TENM1: variants seen among roughly 807,000 people sequenced by gnomAD.
TENM1 encodes the protein teneurin-1.
A neutral mutation model predicts 174.8 loss-of-function variants in TENM1; 35 were observed. The ratio of observed to expected loss-of-function variants is 0.20; its 90% confidence interval spans 0.15 to 0.27. TENM1 has a LOEUF of 0.27. TENM1 is among the 10% of genes least tolerant of loss of function. The pLI is 1.00. For missense variants in TENM1, 1,633 were observed against 2,130.1 expected (o/e 0.77, Z 4.59); for synonymous variants, 781 against 798.7 (o/e 0.98, Z 0.37).
the TENM1 span, among the ~76,000 whole-genome samples, chrX:125,074,943 C>G: frequency 8.9e-6 from 1 of 112,253 alleles, no homozygotes; most frequent in South Asian, 3.7e-4. Context: ...GCATTTATTA[C>G]TTAACACTTT....
chrX:124,471,416 GTAATA>G (rs1213310369), intron 22 of TENM1, among the ~76,000 whole-genome samples: 1 of 22,003 alleles, frequency 4.5e-5, no homozygotes, highest in African/African-American at 1.7e-4. Flanking sequence ...ATAATATATA[GTAATA>G]TATTATATAT....
chrX:124,443,659 A>G (rs1423479290), intron 23 of TENM1, among the ~76,000 whole-genome samples: 1 of 112,115 alleles, frequency 8.9e-6, no homozygotes, highest in African/African-American at 3.2e-5. Context: ...GATTTGGAAA[A>G]GATCTTCAAT....
intron 19 of TENM1, among the ~76,000 whole-genome samples, chrX:124,498,696 C>A (rs898978433): frequency 9.1e-6 from 1 of 109,429 alleles, no homozygotes; most frequent in Non-Finnish European, 1.9e-5. Flanking sequence ...TCCATCCAGG[C>A]AGAGTCAGTT....
intron 11 of TENM1, among the ~76,000 whole-genome samples, chrX:124,614,979 T>C (rs2050365987): frequency 8.9e-6 from 1 of 112,203 alleles, no homozygotes; most frequent in Non-Finnish European, 1.9e-5. Context: ...GCTAGGAACA[T>C]GCCCAAGATT....
the TENM1 span, among the ~76,000 whole-genome samples, chrX:125,201,714 C>G: frequency 1.8e-5 from 2 of 111,641 alleles, no homozygotes; most frequent in Non-Finnish European, 3.8e-5. Flanking sequence ...TACCTGATCC[C>G]TTTTTAAATG....
At chrX:124,823,298 G>A (rs910481473) in intron 3 of TENM1, among the ~76,000 whole-genome samples, 2 of 112,136 alleles carry the variant, frequency 1.8e-5, no homozygotes, top group African/African-American at 6.5e-5. Context: ...TTATAACAGA[G>A]TCTGGCATGA....
exon 1 of TENM1, chrX:124,963,746 T>C: frequency 1.7e-6 from 2 of 1,210,151 alleles, no homozygotes; most frequent in Non-Finnish European, 2.2e-6. Flanking sequence ...GCAGTCAGTT[T>C]GCTCCATCTC....
chrX:124,795,169 G>A (rs754320267), intron 3 of TENM1, among the ~76,000 whole-genome samples: 2 of 112,309 alleles, frequency 1.8e-5, no homozygotes, highest in African/African-American at 6.5e-5. Flanking sequence ...ATCTGGCACA[G>A]TGCCTAGCAT....
At chrX:124,604,793 A>G (rs1338891796) in intron 11 of TENM1, among the ~76,000 whole-genome samples, 1 of 111,038 alleles carries the variant, frequency 9.0e-6, no homozygotes, top group Non-Finnish European at 1.9e-5. Flanking sequence ...ACAGAGTTGG[A>G]TTTGAATCCT....
At chrX:124,503,107 CTT>C (rs1488733418) in intron 19 of TENM1, among the ~76,000 whole-genome samples, 1 of 111,487 alleles carries the variant, frequency 9.0e-6, no homozygotes, top group African/African-American at 3.3e-5. Context: ...GAATCTGTCT[CTT>C]TAGATGAAAA....
At chrX:124,662,410 C>T (rs1044803024) in intron 6 of TENM1, among the ~76,000 whole-genome samples, 9 of 101,251 alleles carry the variant, frequency 8.9e-5, no homozygotes, top group East Asian at 3.1e-4. Context: ...ACCAAGATCG[C>T]GCCATTGCAC....
chrX:124,754,094 T>G (rs186603048), intron 3 of TENM1, among the ~76,000 whole-genome samples: 35 of 111,706 alleles, frequency 3.1e-4, no homozygotes, highest in African/African-American at 1.1e-3. Flanking sequence ...TCTGGTAGAA[T>G]TCGGCTGTGA....
At chrX:124,947,232 G>C (rs894672172) in intron 1 of TENM1, among the ~76,000 whole-genome samples, 6 of 111,505 alleles carry the variant, frequency 5.4e-5, no homozygotes, top group Non-Finnish European at 9.4e-5. Flanking sequence ...ATTAAGTGCA[G>C]AGGGCTCAGG....
intron 4 of TENM1, among the ~76,000 whole-genome samples, chrX:124,708,849 GAT>G: frequency 9.0e-6 from 1 of 111,568 alleles, no homozygotes; most frequent in Admixed American, 9.5e-5. Context: ...TAAAAAAAAA[GAT>G]TCATGAGTAT....
intron 12 of TENM1, among the ~76,000 whole-genome samples, chrX:124,564,170 A>T (rs1352341490): frequency 9.0e-6 from 1 of 111,551 alleles, no homozygotes. Flanking sequence ...TCTTATGTAA[A>T]GGCAATAAAC....
At chrX:125,089,046 G>C in the TENM1 span, among the ~76,000 whole-genome samples, 1 of 111,130 alleles carries the variant, frequency 9.0e-6, no homozygotes, top group Non-Finnish European at 1.9e-5. Context: ...ATGCCAAAAA[G>C]AGGGATCATA....
At chrX:124,715,389 TAAA>T (rs1175230547) in intron 4 of TENM1, among the ~76,000 whole-genome samples, 1 of 100,061 alleles carries the variant, frequency 1.0e-5, no homozygotes. Context: ...TCCTAGGACT[TAAA>T]AAAAAAAAAA....
At chrX:124,963,658 A>G (rs1242454869) in exon 1 of TENM1, 10 of 1,209,754 alleles carry the variant, frequency 8.3e-6, no homozygotes, top group Non-Finnish European at 1.1e-5. Flanking sequence ...GTTTTCTTCC[A>G]TCTTCACTCT....
At chrX:124,606,384 T>C (rs1174273036) in intron 11 of TENM1, among the ~76,000 whole-genome samples, 1 of 111,467 alleles carries the variant, frequency 9.0e-6, no homozygotes, top group Non-Finnish European at 1.9e-5. Context: ...ATTGACTATT[T>C]AAAGATACCT....
Sources: gnomAD v4.1 joint callset for allele counts (sites outside exome capture counted in the v4.1 genomes callset) on GRCh38, gnomAD v4.1.1 for gene constraint, MANE v1.5 for transcripts, NCBI Gene and HGNC (gene_info 2026-07-23, HGNC 2026-07-21) for gene names.